Variants in ZNF236 observed in about 807,000 individuals in gnomAD.
The protein encoded by ZNF236 is zinc finger protein 236.
ZNF236 carries 50 observed loss-of-function variants against 191.2 expected under a neutral mutation model. The ratio of observed to expected loss-of-function variants is 0.26; its 90% CI spans 0.21 to 0.33. The LOEUF (loss-of-function observed/expected upper bound fraction) is 0.33. Ranked by LOEUF, ZNF236 falls within the 10% of genes least tolerant of loss-of-function variation. The pLI is 1.00. For missense variants in ZNF236, 1,754 were observed against 2,374.5 expected (o/e 0.74, Z 5.43); for synonymous variants, 907 against 928.8 (o/e 0.98, Z 0.43).
chr18:76,823,372 G>A (rs9962905), intron 1 of ZNF236, among the ~76,000 whole-genome samples: 58,119 of 151,108 alleles, frequency 0.38, 11,211 homozygotes, highest in East Asian at 0.52. Context: ...TACAGTAGGC[G>A]CCATTGTGAT....
intron 1 of ZNF236, among the ~76,000 whole-genome samples, chr18:76,845,631 A>G (rs1975651174): frequency 6.6e-6 from 1 of 152,090 alleles, no homozygotes; most frequent in South Asian, 2.1e-4. Context: ...TGGGTGGATC[A>G]CGAGGTCAGG....
intron 9 of ZNF236, chr18:76,887,631 T>C (rs1185966673): frequency 6.6e-6 from 1 of 152,232 alleles, no homozygotes; most frequent in Non-Finnish European, 1.5e-5. Flanking sequence ...GACTCATAGT[T>C]CCACATGGCT....
Position 76,878,030 on chromosome 18 carries a change from A to G in ZNF236, c.862A>G (p.Asn288Asp), listed in dbSNP as rs747768328. Residue 288 changes from asparagine (N) to aspartate (D), a missense_variant, in exon 7 of 31, where the codon AAC becomes GAC. Physicochemically the swap from Asn to Asp is conservative, Grantham distance 23 (BLOSUM62 1). Around this residue, in one of 5 missense-constraint regions of ZNF236, gnomAD observed 336 missense variants for 495.1 expected, o/e 0.68. Coordinates refer to ENST00000320610, the MANE Select transcript of ZNF236 (RefSeq NM_001306089.2). ...HSEVKNGPTYNCTECSCVFKS... is the reference protein window; with the variant it reads ...HSEVKNGPTYDCTECSCVFKS... Reference sequence around the variant, plus strand: ...TAAGGTCAAGAATGGTCCTACCTATAACTGTACAGAATGTAGTTGTGTATT... The same window carrying G: ...TAAGGTCAAGAATGGTCCTACCTATGACTGTACAGAATGTAGTTGTGTATT... The G allele has an allele frequency of 2.5e-6, 4 of 1,611,320 alleles. No homozygotes were observed. The highest frequency in any genetic ancestry group is 2.2e-5 in the East Asian group (1 of 44,770).
intron 25 of ZNF236, among the ~76,000 whole-genome samples, chr18:76,931,431 C>G (rs1476653068): frequency 1.3e-5 from 2 of 152,196 alleles, no homozygotes; most frequent in East Asian, 1.9e-4. Flanking sequence ...TGTTACCAAC[C>G]AATCGATGAT....
Position 76,895,140 on chromosome 18 carries a change from G to A in ZNF236, c.1545G>A (p.Pro515=), listed in dbSNP as rs748484363. The A allele has an allele frequency of 1.2e-5, 20 of 1,610,232 alleles. No individual in the cohort carries two copies. The highest frequency in any genetic ancestry group is 6.7e-5 in the East Asian group (3 of 44,902). Residue 515 remains proline (P), a synonymous_variant, in exon 10 of 31, where the codon CCG becomes CCA. Transcript: ENST00000320610. ...CCCACGAGAAGCCCTTCAAGTGCCC[G>A]CAGTGCTTCCGCGCCTTCGCCGTGA... The part of the protein sequence containing the change: ...IHTHEKPFKC[P]QCFRAFAVKS...
intron 1 of ZNF236, among the ~76,000 whole-genome samples, chr18:76,844,347 C>T (rs1169871609): frequency 4.6e-5 from 7 of 151,704 alleles, no homozygotes; most frequent in African/African-American, 1.5e-4. Context: ...ATACTTCTAA[C>T]GACAGCATCT....
intron 4 of ZNF236, among the ~76,000 whole-genome samples, chr18:76,869,980 G>A (rs139113616): frequency 2.6e-3 from 401 of 152,116 alleles, no homozygotes; most frequent in African/African-American, 9.1e-3. Context: ...TAAAATAAAG[G>A]CAGTATCAAT....
chr18:76,831,017 A>G (rs1299158294), intron 1 of ZNF236, among the ~76,000 whole-genome samples: 1 of 152,204 alleles, frequency 6.6e-6, no homozygotes, highest in African/African-American at 2.4e-5. Flanking sequence ...GTCTCTCCTC[A>G]CAGTTTCTCC....
chr18:76,874,091 G>A (rs1388971333), intron 5 of ZNF236, among the ~76,000 whole-genome samples: 2 of 150,944 alleles, frequency 1.3e-5, no homozygotes, highest in African/African-American at 2.4e-5. Context: ...TGTGCCTCCT[G>A]CCCGCCTGTC....
chr18:76,843,803 A>AAAAAAAAAGAAAAAAAG (rs71172383), intron 1 of ZNF236, among the ~76,000 whole-genome samples: 1 of 62,080 alleles, frequency 1.6e-5, no homozygotes, highest in African/African-American at 6.5e-5. Flanking sequence ...AAAAAAAAAA[A>AAAAAAAAAGAAAAAAAG]AAGTAAAGAA....
At chr18:76,964,103 A>G (rs1226263134) in intron 30 of ZNF236, among the ~76,000 whole-genome samples, 5 of 151,414 alleles carry the variant, frequency 3.3e-5, no homozygotes, top group Non-Finnish European at 7.4e-5. Context: ...TCTTCTGCTG[A>G]GTTTGGTTTT....
intron 13 of ZNF236, among the ~76,000 whole-genome samples, chr18:76,907,252 G>C (rs148812291): frequency 0.012 from 1,831 of 152,340 alleles, 25 homozygotes; most frequent in African/African-American, 0.041. Flanking sequence ...ATTCTGAGTA[G>C]GCAGATTCCT....
chr18:76,888,759 G>A (rs946150509), intron 9 of ZNF236: 2 of 152,266 alleles, frequency 1.3e-5, no homozygotes, highest in African/African-American at 4.8e-5. Context: ...TCTGATTACA[G>A]TAGGTGCTCT....
intron 30 of ZNF236, among the ~76,000 whole-genome samples, chr18:76,961,569 A>T (rs562599667): frequency 9.6e-4 from 146 of 152,232 alleles, no homozygotes; most frequent in Non-Finnish European, 1.6e-3. Flanking sequence ...TCCTCTGGGT[A>T]GAGATACCCA....
At chr18:76,947,254 CCACATTTT>C (rs1170111418) in intron 26 of ZNF236, among the ~76,000 whole-genome samples, 2 of 152,264 alleles carry the variant, frequency 1.3e-5, no homozygotes, top group East Asian at 3.9e-4. Flanking sequence ...TTCCCTTATA[CCACATTTT>C]CATTTGTGCA....
At chr18:76,937,064 T>C in intron 25 of ZNF236, 92 bp from the exon 26 acceptor site, 1 of 1,215,002 alleles carries the variant, frequency 8.2e-7, no homozygotes, top group South Asian at 1.5e-5. Context: ...TGAATGCTGC[T>C]TCCTGCAGGT....
intron 1 of ZNF236, among the ~76,000 whole-genome samples, chr18:76,840,354 C>T (rs1305964079): frequency 1.3e-5 from 2 of 152,150 alleles, no homozygotes; most frequent in East Asian, 3.9e-4. Context: ...ATTAGCCAGG[C>T]GTGGTGGCAC....
chr18:76,925,301 C>T lies in ZNF236; in HGVS notation c.3774C>T (p.Cys1258=), dbSNP rs12955431. 276 of 1,614,054 alleles carry T rather than the reference C, an allele frequency of 1.7e-4. No homozygotes were observed. The highest frequency in any genetic ancestry group is 2.2e-4 in the Non-Finnish European group (262 of 1,180,042). ...CCAAGCCCTTCAAATGCCCGCATTG[C>T]GAGCTGCGTTTCCGTACCTCGGGTA... is the stretch of plus-strand genomic sequence containing the variant. ...TGAKPFKCPH[C]ELRFRTSGRR... The change falls in exon 22 of 31, where the codon TGC becomes TGT. Residue 1258 remains cysteine (C), a synonymous_variant. Coordinates refer to ENST00000320610, the MANE Select transcript of ZNF236 (RefSeq NM_001306089.2). The surrounding 1 kb of genome is among the most constrained non-coding windows in gnomAD (Gnocchi z 5.7).
intron 1 of ZNF236, among the ~76,000 whole-genome samples, chr18:76,837,119 G>GCCCCCCCCCC (rs1975352553): frequency 1.5e-5 from 1 of 65,986 alleles, no homozygotes. Context: ...CAAGTGATCC[G>GCCCCCCCCCC]CACCCCCTCC....
Sources: gnomAD v4.1 joint callset for allele counts (sites outside exome capture counted in the v4.1 genomes callset) on GRCh38, gnomAD v4.1.1 for gene constraint, gnomAD v4.1.1 regional missense constraint, Gnocchi (gnomAD v3.1) non-coding constraint, MANE v1.5 for transcripts, NCBI Gene and HGNC (gene_info 2026-07-23, HGNC 2026-07-21) for gene names.